FAT3: variants seen among roughly 807,000 people sequenced by gnomAD.
FAT3 encodes the protein protocadherin Fat 3.
FAT3 carries 95 observed loss-of-function variants against 310.2 expected under a neutral mutation model. That is an observed-to-expected ratio of 0.31 (90% CI 0.26 to 0.36). FAT3 has a LOEUF of 0.36. FAT3 is among the 10% of genes least tolerant of loss of function. The pLI, the probability that FAT3 is intolerant of heterozygous loss-of-function variation, is 1.00. For synonymous variants in FAT3, 2,314 were observed against 2,192.9 expected (o/e 1.06, Z -1.54); for missense variants, 5,408 against 5,715.6 (o/e 0.95, Z 1.74).
intron 1 of FAT3, among the ~76,000 whole-genome samples, chr11:92,312,466 T>C (rs1396166526): frequency 1.3e-5 from 2 of 152,182 alleles, no homozygotes; most frequent in Non-Finnish European, 2.9e-5. Context: ...TGAAAGTAGA[T>C]GAATCACCCT....
At chr11:92,809,370 T>C (rs1947602173) in intron 12 of FAT3, among the ~76,000 whole-genome samples, 1 of 152,208 alleles carries the variant, frequency 6.6e-6, no homozygotes. Context: ...CTGTAAATGA[T>C]AGAGCAAAAA....
At chr11:92,589,504 A>G (rs1939321081) in intron 3 of FAT3, among the ~76,000 whole-genome samples, 1 of 152,104 alleles carries the variant, frequency 6.6e-6, no homozygotes, top group African/African-American at 2.4e-5. Flanking sequence ...CAGTTTACAA[A>G]TACCAAGTCC....
intron 3 of FAT3, among the ~76,000 whole-genome samples, chr11:92,631,873 C>T (rs1241641318): frequency 1.3e-5 from 2 of 152,088 alleles, no homozygotes; most frequent in Non-Finnish European, 2.9e-5. Context: ...CTTCTGTGTT[C>T]TTCGATATTA....
intron 3 of FAT3, among the ~76,000 whole-genome samples, chr11:92,681,306 A>G (rs1695672920): frequency 6.6e-6 from 1 of 152,232 alleles, no homozygotes; most frequent in African/African-American, 2.4e-5. Context: ...ATGTAAGCAG[A>G]GAAGGGAAGG....
rs1591178410 is a variant in FAT3, at chr11:92,366,878, A to G, written c.3292+11474A>G. On this transcript the variant is annotated intron_variant, in intron 2 of 27. Coordinates refer to ENST00000525166, the MANE Select transcript of FAT3 (RefSeq NM_001367949.2). ...GTAGAAAGGATGGTTGGGCTTCATT[A>G]GAGGTGGTGGGACATCACAGGTGCA... is the stretch of plus-strand genomic sequence containing the variant. 3 of 534,258 alleles carry G rather than the reference A, an allele frequency of 5.6e-6. No individual in the cohort carries two copies. The East Asian group carries it at 1.5e-4, about 27-fold the overall frequency. The allele number at this position is 534,258 out of a possible 1,614,324, so 33.1% of individuals were successfully genotyped here. A position where few individuals can be genotyped will look rare whatever the true frequency, so the allele number is the denominator to read the frequency against.
chr11:92,361,830 G>C (rs1373928986), intron 2 of FAT3, among the ~76,000 whole-genome samples: 1 of 152,252 alleles, frequency 6.6e-6, no homozygotes, highest in African/African-American at 2.4e-5. Flanking sequence ...CACTGCCTAT[G>C]TGTAAGGCAC....
intron 4 of FAT3, among the ~76,000 whole-genome samples, chr11:92,747,107 C>T (rs1001255401): frequency 6.6e-6 from 1 of 152,212 alleles, no homozygotes; most frequent in Non-Finnish European, 1.5e-5. Context: ...TGTGTGGGGG[C>T]TCCAACCCCA....
At chr11:92,588,933 C>T (rs2135553603) in intron 3 of FAT3, among the ~76,000 whole-genome samples, 1 of 148,336 alleles carries the variant, frequency 6.7e-6, no homozygotes, top group African/African-American at 2.6e-5. Flanking sequence ...GTAACAAAGA[C>T]ACTCCCAAAA....
At chr11:92,416,332 C>T (rs1306304413) in intron 2 of FAT3, among the ~76,000 whole-genome samples, 4 of 147,912 alleles carry the variant, frequency 2.7e-5, no homozygotes, top group South Asian at 2.1e-4. Context: ...TGCAGTGAGG[C>T]GAGATCGCTC....
At chr11:92,278,845 C>A (rs1348522882) in intron 1 of FAT3, among the ~76,000 whole-genome samples, 1 of 152,120 alleles carries the variant, frequency 6.6e-6, no homozygotes, top group Non-Finnish European at 1.5e-5. Context: ...TGGAGACCAG[C>A]CCATCTCAGG....
At chr11:92,785,572 C>A (rs1187548456) in intron 7 of FAT3, among the ~76,000 whole-genome samples, 1 of 150,056 alleles carries the variant, frequency 6.7e-6, no homozygotes, top group Non-Finnish European at 1.5e-5. Context: ...TATATATAAC[C>A]AAAAAAAACA....
At chr11:92,848,987 CAG>C in intron 19 of FAT3, among the ~76,000 whole-genome samples, 1 of 152,310 alleles carries the variant, frequency 6.6e-6, no homozygotes, top group South Asian at 2.1e-4. Context: ...GAGGTACGGA[CAG>C]AGAGAACAGA....
intron 2 of FAT3, among the ~76,000 whole-genome samples, chr11:92,383,713 A>C (rs73548417): frequency 2.6e-5 from 4 of 152,184 alleles, no homozygotes; most frequent in Admixed American, 2.6e-4. Flanking sequence ...TTCCTGTCTT[A>C]TCCTCCAGGA....
At chr11:92,305,833 G>C (rs957536530) in intron 1 of FAT3, among the ~76,000 whole-genome samples, 20 of 152,132 alleles carry the variant, frequency 1.3e-4, no homozygotes, top group Non-Finnish European at 1.6e-4. Flanking sequence ...AGTAGAAATG[G>C]CATCTAAATT....
chr11:92,338,489 C>G (rs1449140624), intron 1 of FAT3, among the ~76,000 whole-genome samples: 1 of 152,086 alleles, frequency 6.6e-6, no homozygotes, highest in East Asian at 1.9e-4. Flanking sequence ...CAGGATTTGA[C>G]AGCCGCTGCC....
intron 22 of FAT3, among the ~76,000 whole-genome samples, chr11:92,878,228 T>G (rs751688259): frequency 1.4e-4 from 22 of 152,174 alleles, no homozygotes; most frequent in Non-Finnish European, 2.8e-4. Context: ...TGTTACAGTC[T>G]TGAGGCAGGA....
In FAT3 at chr11:92,352,791, T is replaced by A; in HGVS notation, c.679T>A (p.Tyr227Asn). The A allele has an allele frequency of 6.2e-7, 1 of 1,613,868 alleles. No individual in the cohort carries two copies. Among genetic ancestry groups the A allele is most frequent in the Non-Finnish European group, 8.5e-7 (1 of 1,179,882 alleles). ...GRLNYDEKNR[Y>N]DLEILAVDRG... Reference sequence around the variant, plus strand: ...ATTAAATTATGATGAAAAGAATAGGTATGATCTGGAAATTTTGGCTGTGGA... The same window carrying A: ...ATTAAATTATGATGAAAAGAATAGGAATGATCTGGAAATTTTGGCTGTGGA... The change falls in exon 2 of 28, where the codon TAT becomes AAT. Residue 227 changes from tyrosine to asparagine, a missense_variant. Coordinates refer to ENST00000525166, the MANE Select transcript of FAT3 (RefSeq NM_001367949.2).
intron 2 of FAT3, among the ~76,000 whole-genome samples, chr11:92,513,289 G>A (rs901392580): frequency 2.6e-5 from 4 of 152,156 alleles, no homozygotes; most frequent in Non-Finnish European, 5.9e-5. Context: ...AGGATAAAAT[G>A]CCCATTCTTC....
chr11:92,882,439 C>T (rs997900306), intron 23 of FAT3, among the ~76,000 whole-genome samples: 1 of 152,150 alleles, frequency 6.6e-6, no homozygotes, highest in African/African-American at 2.4e-5. Context: ...TTCTCCTCCT[C>T]TCCTCTCCCA....
Sources: allele counts gnomAD v4.1 joint callset (sites outside exome capture counted in the v4.1 genomes callset), GRCh38; gene constraint gnomAD v4.1.1; transcripts MANE v1.5; gene names NCBI Gene and HGNC (gene_info 2026-07-23, HGNC 2026-07-21).